TNKS: variants seen among roughly 807,000 people sequenced by gnomAD.
TNKS encodes poly [ADP-ribose] polymerase tankyrase-1.
TNKS carries 72 observed loss-of-function variants against 135.8 expected under a neutral mutation model. That is an observed-to-expected ratio of 0.53 (90% confidence interval 0.44 to 0.64). The LOEUF (loss-of-function observed/expected upper bound fraction) is 0.64. Ranked by LOEUF, TNKS falls within the 30% of genes least tolerant of loss-of-function variation. The pLI, the probability that TNKS is intolerant of heterozygous loss-of-function variation, is 0.00. For synonymous variants in TNKS, 849 were observed against 649.3 expected, an observed-to-expected ratio of 1.31 and a Z score of -4.68; for missense variants, 1,769 against 1,674.0, an observed-to-expected ratio of 1.06 and a Z score of -0.99.
intron 21 of TNKS, 26 bp downstream of exon 21, chr8:9,761,662 A>AAT: frequency 1.3e-6 from 2 of 1,574,902 alleles, no homozygotes; most frequent in Non-Finnish European, 1.7e-6. Context: ...AAAAAAAAAA[A>AAT]TTTCAGAAAT....
Position 9,778,036 on chromosome 8 carries a change from C to T in TNKS, c.*1300C>T, listed in dbSNP as rs1369627550. 1 of 152,532 alleles carries T rather than the reference C, an allele frequency of 6.6e-6. No individual in the cohort carries two copies. Among genetic ancestry groups the T allele is most frequent in the Non-Finnish European group, 1.5e-5 (1 of 68,004 alleles). The allele number at this position is 152,532 out of a possible 1,614,324, so 9.4% of individuals were successfully genotyped here. On this transcript the variant is annotated 3_prime_UTR_variant, in exon 27 of 27. Transcript: ENST00000310430. ...AGGAGAACAAAAATTGAAACCAAAG[C>T]CCTTTCTGTTATTTTTTCAATGAAG...
chr8:9,642,624 T>G (rs1013202513), intron 3 of TNKS, among the ~76,000 whole-genome samples: 1 of 146,448 alleles, frequency 6.8e-6, no homozygotes, highest in Non-Finnish European at 1.5e-5. Context: ...GAAATAAGAT[T>G]TTAGTTTAAT....
intron 1 of TNKS, among the ~76,000 whole-genome samples, chr8:9,577,398 G>A (rs994223756): frequency 6.6e-6 from 1 of 152,098 alleles, no homozygotes; most frequent in Non-Finnish European, 1.5e-5. Flanking sequence ...CTGAGCCTGG[G>A]TAATTTATAA....
rs979317677 is a variant in TNKS, at chr8:9,586,538, C to G, written c.898+6155C>G. ...TTATCTCTTCTTCCCCCTCCTTTGCCTTGGAAAAGTAGGGGACATACCTTA... is the reference window on the plus strand; with the variant it reads ...TTATCTCTTCTTCCCCCTCCTTTGCGTTGGAAAAGTAGGGGACATACCTTA... On this transcript the variant is annotated intron_variant, in intron 2 of 26. Transcript: ENST00000310430. Among the ~76,000 whole-genome samples, 3 of 152,122 alleles carry G rather than the reference C, an allele frequency of 2.0e-5. No homozygotes were observed. In the South Asian group the frequency reaches 6.2e-4, roughly 32 times the overall value.
At chr8:9,622,723 T>C (rs1799911120) in intron 3 of TNKS, among the ~76,000 whole-genome samples, 1 of 152,214 alleles carries the variant, frequency 6.6e-6, no homozygotes, top group Non-Finnish European at 1.5e-5. Flanking sequence ...GATTAAAGAT[T>C]ATTCCTTTTG....
chr8:9,619,656 A>G (rs1007674003), intron 3 of TNKS, among the ~76,000 whole-genome samples: 16 of 152,228 alleles, frequency 1.1e-4, no homozygotes, highest in Non-Finnish European at 1.5e-4. Context: ...CAAATCTATG[A>G]TTTGATGGGT....
rs367773943 is a variant in TNKS at position 9,586,959 on chromosome 8, C to G, written c.898+6576C>G. ...CTGTTGGGTCTCCCGTTAGAAAGAA[C>G]CATATACATATAATGTTATGCTTTA... On this transcript the variant is annotated intron_variant, in intron 2 of 26. Transcript: ENST00000310430. Among the ~76,000 whole-genome samples, 11 of 152,020 alleles carry G rather than the reference C, an allele frequency of 7.2e-5. No individual in the cohort carries two copies. The East Asian group carries it at 2.1e-3, about 29-fold the overall frequency.
chr8:9,606,992 A>C (rs186001584), intron 2 of TNKS, among the ~76,000 whole-genome samples: 14 of 152,194 alleles, frequency 9.2e-5, no homozygotes, highest in Non-Finnish European at 1.6e-4. Flanking sequence ...CTTTATTAGT[A>C]TTATGTGTCT....
intron 12 of TNKS, among the ~76,000 whole-genome samples, chr8:9,722,814 G>C (rs1445749404): frequency 1.3e-5 from 2 of 152,084 alleles, no homozygotes; most frequent in Non-Finnish European, 2.9e-5. Context: ...CTCAAATTAT[G>C]TGCATAGCTT....
chr8:9,558,515 T>C (rs892914634), intron 1 of TNKS: 1 of 152,186 alleles, frequency 6.6e-6, no homozygotes, highest in Non-Finnish European at 1.5e-5. Flanking sequence ...TCACAAATCA[T>C]GTCATTTCTC....
intron 13 of TNKS, 44 bp downstream of exon 13, chr8:9,726,764 T>C (rs767321308): frequency 3.5e-6 from 5 of 1,449,204 alleles, no homozygotes; most frequent in Non-Finnish European, 3.8e-6. Flanking sequence ...TGTTGAACTT[T>C]GCTAACCAAT....
chr8:9,619,058 C>A (rs1025069996), intron 3 of TNKS, among the ~76,000 whole-genome samples: 6 of 152,132 alleles, frequency 3.9e-5, no homozygotes, highest in Admixed American at 2.6e-4. Context: ...TGTTTTCAGT[C>A]TTTATTCTTC....
intron 24 of TNKS, 85 bp downstream of exon 24, chr8:9,765,882 T>A: frequency 8.9e-7 from 1 of 1,119,952 alleles, no homozygotes; most frequent in Non-Finnish European, 1.3e-6. Flanking sequence ...AAATTGACTA[T>A]AATACGGTTG....
intron 2 of TNKS, among the ~76,000 whole-genome samples, chr8:9,582,287 C>A (rs1259790597): frequency 6.6e-6 from 1 of 150,746 alleles, no homozygotes; most frequent in African/African-American, 2.4e-5. Context: ...TTTGGGATAG[C>A]TGGATAAAAA....
chr8:9,568,716 T>C (rs1407010453), intron 1 of TNKS, among the ~76,000 whole-genome samples: 2 of 152,218 alleles, frequency 1.3e-5, no homozygotes, highest in Non-Finnish European at 2.9e-5. Flanking sequence ...TTAAAGTATA[T>C]GAAGAAAATC....
rs757469624 is a variant in TNKS at position 9,735,497 on chromosome 8, T to C, written c.2643+11T>C. ...GCGGCATCTTATGGGGTAAGCATAC[T>C]AACATTAAAATCTAGAAAACTGACC... is the stretch of plus-strand genomic sequence containing the variant. On this transcript the variant is annotated intron_variant, in intron 17 of 26. Coordinates refer to ENST00000310430, the MANE Select transcript of TNKS (RefSeq NM_003747.3). 1 of 1,607,738 alleles carries C rather than the reference T, an allele frequency of 6.2e-7. No individual in the cohort carries two copies.
intron 20 of TNKS, among the ~76,000 whole-genome samples, chr8:9,754,121 C>A (rs1297997048): frequency 6.6e-6 from 1 of 152,106 alleles, no homozygotes; most frequent in Admixed American, 6.6e-5. Flanking sequence ...CATCTCTAGA[C>A]CCTTAACATA....
At chr8:9,655,390 A>T (rs895048262) in intron 3 of TNKS, among the ~76,000 whole-genome samples, 3 of 152,152 alleles carry the variant, frequency 2.0e-5, no homozygotes, top group Non-Finnish European at 4.4e-5. Flanking sequence ...CTTTGAAGAG[A>T]GTAGTGGTTC....
chr8:9,749,248 C>A (rs925669184), intron 18 of TNKS, among the ~76,000 whole-genome samples: 1 of 152,158 alleles, frequency 6.6e-6, no homozygotes. Context: ...CAAATTAAAT[C>A]TATTTTTCCC....
Sources: gnomAD v4.1 joint callset for allele counts (sites outside exome capture counted in the v4.1 genomes callset) on GRCh38, gnomAD v4.1.1 for gene constraint, MANE v1.5 for transcripts, NCBI Gene and HGNC (gene_info 2026-07-23, HGNC 2026-07-21) for gene names.